SUGP1: variants seen among roughly 807,000 people sequenced by gnomAD.
SUGP1 encodes SURP and G-patch domain-containing protein 1.
In SUGP1, 34 loss-of-function variants were observed where a neutral mutation model predicts 76.5. That is an observed-to-expected ratio of 0.44 (90% CI 0.34 to 0.59). The LOEUF is 0.59. SUGP1 is among the 20% of genes least tolerant of loss of function. The pLI is 0.01. For missense variants in SUGP1, 752 were observed against 851.7 expected, an observed-to-expected ratio of 0.88 and a Z score of 1.46; for synonymous variants, 326 against 326.2, an observed-to-expected ratio of 1.00 and a Z score of 0.01.
At chr19:19,280,443 C>T (rs947680297) in intron 8 of SUGP1, 152 bp from the exon 9 acceptor site, 24 of 687,478 alleles carry the variant, frequency 3.5e-5, no homozygotes, top group African/African-American at 5.3e-5. Context: ...TGGTACGTGA[C>T]GGCCTCGGGG....
intron 1 of SUGP1, among the ~76,000 whole-genome samples, chr19:19,318,116 T>C (rs1254927918): frequency 1.5e-5 from 2 of 136,638 alleles, no homozygotes; most frequent in Non-Finnish European, 3.1e-5. Context: ...CAGCCTTCTT[T>C]TTTTTTTTTT....
intron 9 of SUGP1, among the ~76,000 whole-genome samples, chr19:19,279,892 C>T (rs1325231349): frequency 2.0e-5 from 3 of 152,210 alleles, no homozygotes; most frequent in Non-Finnish European, 4.4e-5. Context: ...TGGAGCGCGG[C>T]GAGAAGCAGC....
chr19:19,317,236 A>G (rs964806612), intron 1 of SUGP1, among the ~76,000 whole-genome samples: 4 of 152,214 alleles, frequency 2.6e-5, no homozygotes, highest in Non-Finnish European at 5.9e-5. Context: ...CAGGTAGGAC[A>G]GGCAGAAAAT....
At chr19:19,284,467 A>T (rs370047326) in intron 8 of SUGP1, among the ~76,000 whole-genome samples, 45 of 152,348 alleles carry the variant, frequency 3.0e-4, no homozygotes, top group African/African-American at 1.0e-3. Context: ...TGTTAAAAAA[A>T]AAAAAAGAAG....
intron 8 of SUGP1, among the ~76,000 whole-genome samples, chr19:19,282,847 G>C (rs1042799413): frequency 1.2e-4 from 18 of 152,202 alleles, no homozygotes; most frequent in South Asian, 8.3e-4. Flanking sequence ...GGAGGCCAAG[G>C]TGGGCGGATC....
chr19:19,318,324 T>C (rs576972954), intron 1 of SUGP1, among the ~76,000 whole-genome samples: 82 of 151,734 alleles, frequency 5.4e-4, no homozygotes, highest in Admixed American at 1.4e-3. Context: ...TTCACCATGT[T>C]GGCCAGGCTG....
At chr19:19,299,683 A>G (rs937681695) in intron 7 of SUGP1, among the ~76,000 whole-genome samples, 1 of 149,382 alleles carries the variant, frequency 6.7e-6, no homozygotes, top group Non-Finnish European at 1.5e-5. Flanking sequence ...CACCCGGCCT[A>G]CTGACTTTTC....
At chr19:19,298,334 C>T (rs2061245418) in intron 7 of SUGP1, among the ~76,000 whole-genome samples, 2 of 152,160 alleles carry the variant, frequency 1.3e-5, no homozygotes, top group Middle Eastern at 3.4e-3. Context: ...CCCGTCTGTA[C>T]TAAAAATAAA....
Position 19,306,047 on chromosome 19 carries a change from G to C in SUGP1, c.340C>G (p.Pro114Ala). 2 of 1,608,554 alleles carry C rather than the reference G, an allele frequency of 1.2e-6. No homozygotes were observed. The highest frequency in any genetic ancestry group is 1.7e-6 in the Non-Finnish European group (2 of 1,177,708). ...CCAGCGCTGGGGGTGGGTGTGCTGG[G>C]AGGGGCGCTGGGCGCACTGGTCGGG... ...DAPTSAPSAP[P>A]STPTPSAGKR... The change falls in exon 4 of 14, where the codon CCC becomes GCC. Residue 114 changes from proline (P) to alanine (A), a missense_variant. By Grantham distance (27) the Pro-to-Ala change is conservative. Transcript: ENST00000247001.
At chr19:19,306,916 G>A (rs963373149) in intron 3 of SUGP1, among the ~76,000 whole-genome samples, 1 of 152,204 alleles carries the variant, frequency 6.6e-6, no homozygotes, top group African/African-American at 2.4e-5. Flanking sequence ...CAAGGCTGGT[G>A]TGTGACAGCT....
Position 19,320,453 on chromosome 19 carries a change from G to A in SUGP1, c.34+10C>T. 3.1e-6 allele frequency: 5 copies of A among 1,609,038 alleles called. No individual in the cohort carries two copies. Among genetic ancestry groups the A allele is most frequent in the Non-Finnish European group, 4.2e-6 (5 of 1,178,040 alleles). On this transcript the variant is annotated intron_variant, in intron 1 of 13. Transcript: ENST00000247001. ...CAGGCGGCCGCCTGAGAGGAGGCGGGGGCTGTTACCTGCAACATCCCGGTT... is the reference window on the plus strand; with the variant it reads ...CAGGCGGCCGCCTGAGAGGAGGCGGAGGCTGTTACCTGCAACATCCCGGTT...
chr19:19,294,982 TCAA>T (rs1482604364), intron 8 of SUGP1, among the ~76,000 whole-genome samples: 1 of 152,002 alleles, frequency 6.6e-6, no homozygotes, highest in Non-Finnish European at 1.5e-5. Context: ...CTCGTACAAC[TCAA>T]CAACACAAAC....
At chr19:19,300,014 G>A (rs2061258876) in intron 7 of SUGP1, among the ~76,000 whole-genome samples, 1 of 151,964 alleles carries the variant, frequency 6.6e-6, no homozygotes, top group South Asian at 2.1e-4. Context: ...TCGACCTCAG[G>A]TGATCCACCT....
chr19:19,284,903 T>C (rs2061127622), intron 8 of SUGP1, among the ~76,000 whole-genome samples: 2 of 150,894 alleles, frequency 1.3e-5, no homozygotes, highest in African/African-American at 4.9e-5. Flanking sequence ...AGATGGAGTC[T>C]CGCTCTTTCG....
intron 1 of SUGP1, among the ~76,000 whole-genome samples, chr19:19,317,799 C>G (rs1016040418): frequency 2.7e-5 from 4 of 149,064 alleles, no homozygotes; most frequent in Non-Finnish European, 4.4e-5. Context: ...AGGCACCGTG[C>G]CCCAGTGGCT....
intron 5 of SUGP1, 104 bp from the exon 6 acceptor site, chr19:19,303,552 G>A (rs1037479253): frequency 2.2e-6 from 3 of 1,351,522 alleles, no homozygotes; most frequent in Non-Finnish European, 2.1e-6. Context: ...GGCGAGCAGG[G>A]ACCCGAAAGC....
intron 11 of SUGP1, 29 bp from the exon 12 acceptor site, chr19:19,277,908 A>G (rs1161104571): frequency 1.9e-6 from 3 of 1,610,344 alleles, no homozygotes; most frequent in Admixed American, 3.3e-5. Flanking sequence ...GCTGTCACCC[A>G]CCAGGGCTGG....
chr19:19,310,477 G>T (rs1270101835), intron 2 of SUGP1, among the ~76,000 whole-genome samples: 1 of 152,162 alleles, frequency 6.6e-6, no homozygotes, highest in Non-Finnish European at 1.5e-5. Context: ...TAACCCTCCA[G>T]GTCCAAATGG....
intron 10 of SUGP1, 101 bp downstream of exon 10, chr19:19,279,112 T>C (rs2146589768): frequency 3.8e-6 from 5 of 1,307,542 alleles, no homozygotes; most frequent in East Asian, 5.1e-5. Flanking sequence ...TAAACCAGGA[T>C]GGCAGCTCAA....
Sources: allele counts gnomAD v4.1 joint callset (sites outside exome capture counted in the v4.1 genomes callset), GRCh38; gene constraint gnomAD v4.1.1; transcripts MANE v1.5; gene names NCBI Gene and HGNC (gene_info 2026-07-23, HGNC 2026-07-21).